MSRB2: variants seen among roughly 807,000 people sequenced by gnomAD.
MSRB2 encodes methionine sulfoxide reductase B2.
In MSRB2, 17 loss-of-function variants were observed where a neutral mutation model predicts 19.0. The observed-to-expected ratio is 0.89, with a 90% CI of 0.61 to 1.34. The LOEUF (loss-of-function observed/expected upper bound fraction) is 1.34. MSRB2 is among the 40% of genes most tolerant of loss of function. The probability of loss-of-function intolerance (pLI) is 0.00; values close to 1 mark genes in which losing one functional copy is unlikely to be tolerated. For missense variants in MSRB2, 208 were observed against 237.6 expected (o/e 0.88, Z 0.82); for synonymous variants, 107 against 99.7 (o/e 1.07, Z -0.44).
chr10:23,104,944 G>C (rs1839969017), intron 2 of MSRB2, among the ~76,000 whole-genome samples: 1 of 152,120 alleles, frequency 6.6e-6, no homozygotes, highest in Admixed American at 6.5e-5. Context: ...CCCCCAGCTA[G>C]GGTTGCTTCT....
Position 23,095,614 on chromosome 10 carries a change from G to A in MSRB2, c.6G>A (p.Ala2=). ...GCGGCGCCGGAGCGGGCGTCATGGC[G>A]CGGCTCCTCTGGTTGCTCCGGGGCC... M[A]RLLWLLRGLT... The change falls in exon 1 of 5, where the codon GCG becomes GCA. Residue 2 remains alanine (A), a synonymous_variant. Transcript: ENST00000376510. The A allele has an allele frequency of 6.8e-7, 1 of 1,479,538 alleles. No homozygotes were observed. The highest frequency in any genetic ancestry group is 8.9e-7 in the Non-Finnish European group (1 of 1,121,504). The allele number at this position is 1,479,538 out of a possible 1,614,324, so 91.7% of individuals were successfully genotyped here.
At chr10:23,120,479 C>T (rs1382548564) in intron 4 of MSRB2, among the ~76,000 whole-genome samples, 2 of 152,298 alleles carry the variant, frequency 1.3e-5, no homozygotes. Context: ...CCACAGCTCT[C>T]TTATGTAGGT....
At chr10:23,111,242 C>G (rs7901247) in intron 3 of MSRB2, among the ~76,000 whole-genome samples, 2,078 of 152,312 alleles carry the variant, frequency 0.014, 62 homozygotes, top group African/African-American at 0.046. Context: ...CGGATGCATT[C>G]ACGTTGGCAT....
intron 3 of MSRB2, 73 bp downstream of exon 3, chr10:23,110,391 T>G (rs1302091681): frequency 1.8e-5 from 22 of 1,250,552 alleles, no homozygotes; most frequent in African/African-American, 4.5e-5. Flanking sequence ...TCATTTGAGA[T>G]CTTGGATAAA....
rs561260107 is a variant in MSRB2, at chr10:23,102,258, G to A, written c.119-1886G>A. Among the ~76,000 whole-genome samples, 8 of 152,128 alleles carry A rather than the reference G, an allele frequency of 5.3e-5. 1 individual carries two copies. In the South Asian group the frequency reaches 8.3e-4, roughly 16 times the overall value. ...ATGACACTTTACTGCTAAATATTTC[G>A]GCATGTTTCCTAAGACCAAAGATGT... On this transcript the variant is annotated intron_variant, in intron 1 of 4. Transcript: ENST00000376510.
intron 3 of MSRB2, among the ~76,000 whole-genome samples, chr10:23,111,236 T>G (rs1305485128): frequency 6.6e-6 from 1 of 152,220 alleles, no homozygotes; most frequent in African/African-American, 2.4e-5. Flanking sequence ...TTTGCCCGGA[T>G]GCATTCACGT....
chr10:23,107,021 C>T (rs530221005), intron 2 of MSRB2, among the ~76,000 whole-genome samples: 1 of 152,330 alleles, frequency 6.6e-6, no homozygotes, highest in East Asian at 1.9e-4. Context: ...CCTGTGCAGC[C>T]AGGCATTTCA....
At chr10:23,107,229 G>A (rs11592133) in intron 2 of MSRB2, among the ~76,000 whole-genome samples, 18,961 of 152,156 alleles carry the variant, frequency 0.12, 1,247 homozygotes, top group African/African-American at 0.15. Context: ...CCAATCAGGC[G>A]TACACCCAGT....
At position 23,119,330 on chromosome 10, in the gene MSRB2, C is replaced by CT; in HGVS notation, c.324dup (p.Gly109TrpfsTer15). On this transcript the variant is annotated frameshift_variant, in exon 4 of 5. Coordinates refer to ENST00000376510, the MANE Select transcript of MSRB2 (RefSeq NM_012228.4). LOFTEE classifies it high-confidence loss of function. Reference sequence around the variant, plus strand: ...TCTGAGAAAAAGTACTGCTCTGGCACTGGGTGGCCTTCGTTTTCCGAGGCT... The same window carrying CT: ...TCTGAGAAAAAGTACTGCTCTGGCACTTGGGTGGCCTTCGTTTTCCGAGGCT... 1 of 1,614,130 alleles carries CT rather than the reference C, an allele frequency of 6.2e-7. No individual in the cohort carries two copies. The highest frequency in any genetic ancestry group is 8.5e-7 in the Non-Finnish European group (1 of 1,180,016).
intron 1 of MSRB2, 57 bp downstream of exon 1, chr10:23,095,783 C>T: frequency 8.8e-7 from 1 of 1,142,350 alleles, no homozygotes; most frequent in South Asian, 3.8e-5. Flanking sequence ...CTTCATTTCA[C>T]CGGCTGCACC....
chr10:23,096,350 C>CTGTGTGTGTGTGTG (rs780651477), intron 1 of MSRB2, among the ~76,000 whole-genome samples: 17 of 61,724 alleles, frequency 2.8e-4, no homozygotes, highest in African/African-American at 9.4e-4. Flanking sequence ...CTCTCTCTCT[C>CTGTGTGTGTGTGTG]TCTGTGTGTG....
intron 2 of MSRB2, among the ~76,000 whole-genome samples, chr10:23,105,240 G>C (rs1045212160): frequency 1.2e-4 from 18 of 148,640 alleles, no homozygotes; most frequent in Non-Finnish European, 2.5e-4. Context: ...GTGTGTGTGT[G>C]TGTATACAAG....
intron 3 of MSRB2, among the ~76,000 whole-genome samples, chr10:23,116,415 G>C (rs765186367): frequency 5.3e-5 from 8 of 152,014 alleles, no homozygotes; most frequent in Non-Finnish European, 1.0e-4. Flanking sequence ...ATCACAGAAG[G>C]GGCTATGAAA....
chr10:23,119,703 A>G (rs1840160206), intron 4 of MSRB2, among the ~76,000 whole-genome samples: 1 of 152,056 alleles, frequency 6.6e-6, no homozygotes, highest in Non-Finnish European at 1.5e-5. Context: ...TCCTGAGTTC[A>G]AGTGCCTCAG....
intron 4 of MSRB2, among the ~76,000 whole-genome samples, chr10:23,119,849 C>G (rs1018363463): frequency 6.6e-6 from 1 of 152,186 alleles, no homozygotes; most frequent in African/African-American, 2.4e-5. Flanking sequence ...CCTGCCTCGG[C>G]CTCCCAAAGT....
intron 2 of MSRB2, among the ~76,000 whole-genome samples, chr10:23,106,829 G>A (rs980300042): frequency 1.1e-4 from 16 of 152,266 alleles, no homozygotes; most frequent in South Asian, 2.1e-4. Context: ...CATTGGCCCC[G>A]TCTGCACCTT....
intron 2 of MSRB2, among the ~76,000 whole-genome samples, chr10:23,106,703 G>T (rs1839991075): frequency 6.6e-6 from 1 of 152,160 alleles, no homozygotes; most frequent in Non-Finnish European, 1.5e-5. Flanking sequence ...TCCCCTGCAG[G>T]TGCAGCCTCA....
chr10:23,119,209 C>T (rs939810735), intron 3 of MSRB2, 95 bp from the exon 4 acceptor site: 37 of 1,479,142 alleles, frequency 2.5e-5, no homozygotes, highest in Middle Eastern at 1.7e-4. Context: ...AGAGTGGGAA[C>T]AGATCCTGCT....
intron 3 of MSRB2, 64 bp from the exon 4 acceptor site, chr10:23,119,240 G>T: frequency 1.3e-6 from 2 of 1,580,540 alleles, no homozygotes; most frequent in Non-Finnish European, 1.7e-6. Context: ...ACACATCGGG[G>T]CACCTCTTGG....
Sources: allele counts gnomAD v4.1 joint callset (sites outside exome capture counted in the v4.1 genomes callset), GRCh38; gene constraint gnomAD v4.1.1; transcripts MANE v1.5; gene names NCBI Gene and HGNC (gene_info 2026-07-23, HGNC 2026-07-21).